KTN1: variants seen among roughly 807,000 people sequenced by gnomAD.
The protein encoded by KTN1 is kinectin.
In KTN1, 130 loss-of-function variants were observed where a neutral mutation model predicts 222.5. That is an observed-to-expected ratio of 0.58 (90% confidence interval 0.51 to 0.68). The LOEUF (loss-of-function observed/expected upper bound fraction) is 0.68. Ranked by LOEUF, KTN1 falls within the 30% of genes least tolerant of loss-of-function variation. KTN1 has a pLI of 0.00. For synonymous variants in KTN1, 512 were observed against 496.3 expected (o/e 1.03, Z -0.42); for missense variants, 1,508 against 1,500.4 (o/e 1.01, Z -0.08).
At chr14:55,580,537 T>C (rs1017074762) in intron 1 of KTN1, among the ~76,000 whole-genome samples, 183 bp downstream of exon 1, 3 of 149,250 alleles carry the variant, frequency 2.0e-5, no homozygotes, top group African/African-American at 7.3e-5. Context: ...GCGGGGCTCT[T>C]GTTGGGGCCG....
intron 5 of KTN1, among the ~76,000 whole-genome samples, chr14:55,627,240 G>A (rs8006443): frequency 0.28 from 42,445 of 151,808 alleles, 5,966 homozygotes; most frequent in East Asian, 0.38. Context: ...GTAGTTCTTC[G>A]TAAAAATCTG....
chr14:55,596,493 G>C (rs999598736), intron 1 of KTN1, among the ~76,000 whole-genome samples: 5 of 152,138 alleles, frequency 3.3e-5, no homozygotes, highest in African/African-American at 1.2e-4. Flanking sequence ...GATGACCATA[G>C]GATAGGAGCC....
Position 55,580,363 on chromosome 14 carries a change from G to T in KTN1, c.-31+9G>T. 1 of 147,364 alleles carries T rather than the reference G, an allele frequency of 6.8e-6. No homozygotes were observed. The highest frequency in any genetic ancestry group is 1.9e-4 in the South Asian group (1 of 5,252). 9.1% of individuals were successfully genotyped at this position (147,364 alleles called of 1,614,324 possible). ...TTTCCCGGCCGCACAGGGTGAGGGA[G>T]AGCAGGCCGCACCGGGACGGGCGCC... On this transcript the variant is annotated intron_variant, in intron 1 of 43. Transcript: ENST00000395314.
chr14:55,641,018 TATA>T (rs1365368685), intron 16 of KTN1, 48 bp downstream of exon 16: 2 of 1,537,414 alleles, frequency 1.3e-6, no homozygotes, highest in Non-Finnish European at 9.0e-7. Context: ...TATGTTTAAT[TATA>T]ATTGTTGCAG....
At chr14:55,643,636 G>T (rs539291269) in intron 18 of KTN1, among the ~76,000 whole-genome samples, 1 of 152,218 alleles carries the variant, frequency 6.6e-6, no homozygotes, top group African/African-American at 2.4e-5. Flanking sequence ...CCAGGTGCTG[G>T]CGACTCTTAT....
intron 1 of KTN1, among the ~76,000 whole-genome samples, chr14:55,597,153 G>A (rs893515011): frequency 4.6e-5 from 7 of 152,156 alleles, no homozygotes; most frequent in African/African-American, 1.7e-4. Context: ...AACATTGTGC[G>A]TTGGACTCTG....
intron 6 of KTN1, among the ~76,000 whole-genome samples, chr14:55,628,275 G>A (rs28513551): frequency 0.076 from 11,641 of 152,220 alleles, 496 homozygotes; most frequent in South Asian, 0.11. Flanking sequence ...AAAGCACTCT[G>A]TACAGAAGCA....
At chr14:55,661,796 A>T in intron 32 of KTN1, 184 bp downstream of exon 32, 1 of 393,952 alleles carries the variant, frequency 2.5e-6, no homozygotes, top group Non-Finnish European at 4.5e-6. Flanking sequence ...TTTTTTAAAT[A>T]AGTGAAAAGA....
chr14:55,666,076 G>T (rs1347936529), intron 33 of KTN1, among the ~76,000 whole-genome samples: 1 of 151,834 alleles, frequency 6.6e-6, no homozygotes, highest in African/African-American at 2.4e-5. Flanking sequence ...ATGCAGTTAG[G>T]TGTATTCCTG....
chr14:55,657,275 A>T (rs1403683248), intron 29 of KTN1, among the ~76,000 whole-genome samples: 1 of 152,066 alleles, frequency 6.6e-6, no homozygotes, highest in Non-Finnish European at 1.5e-5. Flanking sequence ...TACTTGAAAG[A>T]TGGTAAGATT....
intron 1 of KTN1, among the ~76,000 whole-genome samples, chr14:55,603,512 T>C (rs138248729): frequency 2.6e-5 from 4 of 152,318 alleles, no homozygotes; most frequent in Non-Finnish European, 4.4e-5. Flanking sequence ...TCATCTGGCG[T>C]CCGGGACAGC....
chr14:55,599,637 G>T (rs185362630), intron 1 of KTN1, among the ~76,000 whole-genome samples: 217 of 152,084 alleles, frequency 1.4e-3, no homozygotes, highest in African/African-American at 4.8e-3. Context: ...CACCACGCTC[G>T]GCTAATTTTT....
At position 55,617,948 on chromosome 14, in the gene KTN1, T is replaced by G. The variant is rs1395406395; in HGVS notation, c.662-16T>G. The stretch of plus-strand genomic sequence containing the variant: ...GTAAAAATTCTAATTATGATTTTGT[T>G]GAACTTAAATTGCAGTCTTCGTAGA... On this transcript the variant is annotated splice_polypyrimidine_tract_variant and intron_variant, in intron 3 of 43. Transcript: ENST00000395314. The G allele has an allele frequency of 5.9e-6, 9 of 1,538,168 alleles. No individual in the cohort carries two copies. In the Admixed American group the frequency reaches 6.2e-5, roughly 11 times the overall value.
At chr14:55,665,727 G>A (rs962360272) in intron 33 of KTN1, among the ~76,000 whole-genome samples, 1 of 152,002 alleles carries the variant, frequency 6.6e-6, no homozygotes, top group African/African-American at 2.4e-5. Flanking sequence ...CTTAAAGATG[G>A]TATGCAAATT....
At chr14:55,597,624 C>T (rs371506113) in intron 1 of KTN1, among the ~76,000 whole-genome samples, 19 of 152,158 alleles carry the variant, frequency 1.2e-4, no homozygotes, top group African/African-American at 4.1e-4. Context: ...GAGGCCGAGG[C>T]GGGCAGATCA....
intron 24 of KTN1, 159 bp from the exon 25 acceptor site, chr14:55,651,731 G>T: frequency 3.6e-6 from 2 of 550,686 alleles, no homozygotes; most frequent in South Asian, 2.8e-5. Flanking sequence ...CCTGTTATTG[G>T]AGTCAAGAGG....
At chr14:55,616,744 C>T in intron 3 of KTN1, 90 bp downstream of exon 3, 1 of 1,052,966 alleles carries the variant, frequency 9.5e-7, no homozygotes, top group Non-Finnish European at 1.4e-6. Flanking sequence ...CTCTTTAGCT[C>T]CCAGTTTAAT....
chr14:55,607,401 C>A (rs541711262), intron 1 of KTN1: 1 of 151,960 alleles, frequency 6.6e-6, no homozygotes, highest in Non-Finnish European at 1.5e-5. Context: ...GATTTTAAAC[C>A]TGGGGCCCGT....
chr14:55,655,794 T>G (rs1018701533), intron 28 of KTN1, among the ~76,000 whole-genome samples: 1 of 152,214 alleles, frequency 6.6e-6, no homozygotes, highest in Non-Finnish European at 1.5e-5. Context: ...AAATATAGTT[T>G]TGTTCTTAGT....
Sources: allele counts gnomAD v4.1 joint callset (sites outside exome capture counted in the v4.1 genomes callset), GRCh38; gene constraint gnomAD v4.1.1; transcripts MANE v1.5; gene names NCBI Gene and HGNC (gene_info 2026-07-23, HGNC 2026-07-21).